C6: variants seen among roughly 807,000 people sequenced by gnomAD.
C6 encodes the protein complement C6.
In C6, 101 loss-of-function variants were observed where a neutral mutation model predicts 112.9. The observed-to-expected ratio is 0.89, with a 90% CI of 0.76 to 1.06. The LOEUF (loss-of-function observed/expected upper bound fraction) is 1.06, where lower values mean the gene tolerates loss of function less well. C6 is among the 50% of genes least tolerant of loss of function. The probability of loss-of-function intolerance (pLI) is 0.00; values close to 1 mark genes in which losing one functional copy is unlikely to be tolerated. For missense variants in C6, 1,202 were observed against 1,104.6 expected, an observed-to-expected ratio of 1.09 and a Z score of -1.25; for synonymous variants, 431 against 384.1, an observed-to-expected ratio of 1.12 and a Z score of -1.43.
At chr5:41,223,952 T>C (rs1477724349) in intron 1 of C6, among the ~76,000 whole-genome samples, 1 of 152,158 alleles carries the variant, frequency 6.6e-6, no homozygotes, top group South Asian at 2.1e-4. Context: ...TTTTGAACAA[T>C]AAAAGCAAAT....
chr5:41,208,347 A>G (rs1259793658), intron 1 of C6, among the ~76,000 whole-genome samples: 1 of 152,238 alleles, frequency 6.6e-6, no homozygotes, highest in South Asian at 2.1e-4. Flanking sequence ...AAAAGCTAGC[A>G]GAAGGCAAGA....
chr5:41,177,779 G>T (rs1490564582), intron 7 of C6, among the ~76,000 whole-genome samples: 1 of 151,990 alleles, frequency 6.6e-6, no homozygotes, highest in African/African-American at 2.4e-5. Flanking sequence ...TACATTCATT[G>T]CCTACCTATC....
rs111468089 is a variant in C6, at chr5:41,152,009, G to GA, written c.2290+1800dup. On this transcript the variant is annotated intron_variant, in intron 15 of 17. Coordinates refer to ENST00000337836, the MANE Select transcript of C6 (RefSeq NM_000065.5). ...TCTAGGCACTAGGACATTATGGTGGGAAAAAAAAAAGAAAGGAAGGATGGA... is the reference window on the plus strand; with the variant it reads ...TCTAGGCACTAGGACATTATGGTGGGAAAAAAAAAAAGAAAGGAAGGATGGA... 8.6e-3 allele frequency among the ~76,000 whole-genome samples: 1,258 copies of GA among 146,408 alleles called. 11 individuals are homozygous for GA. Among genetic ancestry groups the GA allele is most frequent in the South Asian group, 0.028 (131 of 4,610 alleles).
At position 41,236,943 on chromosome 5, in the gene C6, A is replaced by G. The variant is rs529023884; in HGVS notation, c.-21+24251T>C. 2.1e-3 allele frequency among the ~76,000 whole-genome samples: 319 copies of G among 151,474 alleles called. 3 individuals are homozygous for G. Among genetic ancestry groups the G allele is most frequent in the African/African-American group, 7.4e-3 (306 of 41,154 alleles). On this transcript the variant is annotated intron_variant, in intron 1 of 17. Coordinates refer to the C6 transcript ENST00000263413. ...ACAAACTACCATCAGAGAATACTAC[A>G]AACACCTCTATGCAAATAAACTAGA... is the stretch of plus-strand genomic sequence containing the variant.
intron 1 of C6, among the ~76,000 whole-genome samples, chr5:41,208,651 A>G (rs1269423969): frequency 1.3e-5 from 2 of 152,114 alleles, no homozygotes; most frequent in Non-Finnish European, 2.9e-5. Flanking sequence ...AACACATACA[A>G]CCTCTCAAGA....
chr5:41,170,668 A>C (rs888202854), intron 9 of C6, among the ~76,000 whole-genome samples: 4 of 151,926 alleles, frequency 2.6e-5, no homozygotes, highest in Non-Finnish European at 5.9e-5. Flanking sequence ...TAGACCATCT[A>C]CCTGTTCTGA....
chr5:41,189,073 G>A (rs1200473708), intron 5 of C6, among the ~76,000 whole-genome samples: 1 of 152,034 alleles, frequency 6.6e-6, no homozygotes, highest in African/African-American at 2.4e-5. Flanking sequence ...AACCTGCGAT[G>A]AGATACCAGT....
intron 1 of C6, among the ~76,000 whole-genome samples, chr5:41,221,454 T>C (rs923302631): frequency 1.3e-5 from 2 of 152,158 alleles, no homozygotes; most frequent in Non-Finnish European, 2.9e-5. Context: ...CCTGTGTCGT[T>C]TTCATGGGTA....
chr5:41,185,596 A>C (rs929748986), intron 6 of C6, among the ~76,000 whole-genome samples: 1 of 152,176 alleles, frequency 6.6e-6, no homozygotes, highest in Non-Finnish European at 1.5e-5. Flanking sequence ...AACTAATAAA[A>C]TAGGAAGAAA....
intron 1 of C6, among the ~76,000 whole-genome samples, chr5:41,234,350 G>T (rs28451860): frequency 1.4e-3 from 179 of 127,544 alleles, no homozygotes; most frequent in African/African-American, 4.1e-3. Context: ...TTTTTTTTTT[G>T]TTTTTTGTTT....
In C6 at chr5:41,199,760, T is replaced by A; in HGVS notation, c.445+8A>T. On this transcript the variant is annotated splice_region_variant and intron_variant, in intron 4 of 17. Transcript: ENST00000337836. ...GTGGGGACTGAACATTTCACAAAAATACATTACCACTGTCACAGCGAAATT... is the reference window on the plus strand; with the variant it reads ...GTGGGGACTGAACATTTCACAAAAAAACATTACCACTGTCACAGCGAAATT... The A allele has an allele frequency of 6.2e-7, 1 of 1,613,486 alleles. No homozygotes were observed. Among genetic ancestry groups the A allele is most frequent in the Non-Finnish European group, 8.5e-7 (1 of 1,179,500 alleles).
chr5:41,153,499 A>T (rs1339683208), intron 15 of C6, among the ~76,000 whole-genome samples: 1 of 152,212 alleles, frequency 6.6e-6, no homozygotes, highest in Non-Finnish European at 1.5e-5. Context: ...CACAATACTT[A>T]AACCTGAAGT....
chr5:41,242,572 T>C (rs187874465), intron 1 of C6, among the ~76,000 whole-genome samples: 3 of 152,360 alleles, frequency 2.0e-5, no homozygotes, highest in African/African-American at 7.2e-5. Flanking sequence ...GATTTCTCTG[T>C]AGTTAGCACA....
intron 5 of C6, among the ~76,000 whole-genome samples, chr5:41,194,418 T>C (rs4279376): frequency 0.88 from 133,122 of 152,074 alleles, 58,368 homozygotes; most frequent in Admixed American, 0.93. Context: ...TATTTAGAAC[T>C]CAGCTCCTCT....
At chr5:41,180,024 T>C (rs921496153) in intron 7 of C6, among the ~76,000 whole-genome samples, 4 of 152,164 alleles carry the variant, frequency 2.6e-5, no homozygotes, top group African/African-American at 7.2e-5. Flanking sequence ...CGTATATGAA[T>C]TTCAATCTAT....
rs77109111 is a variant in C6 at position 41,246,499 on chromosome 5, T to G, written c.-21+14695A>C. Among the ~76,000 whole-genome samples the G allele has an allele frequency of 1.7e-3, 262 of 152,266 alleles. 5 individuals are homozygous for G. The East Asian group carries it at 0.048, about 28-fold the overall frequency. ...AGGCAGAGAGTGTCCAAAGTAATCT[T>G]CAGGTGCAAAAAAAATTAGTCATAC... On this transcript the variant is annotated intron_variant, in intron 1 of 17. Coordinates refer to the C6 transcript ENST00000263413.
chr5:41,208,230 G>A (rs865876222), intron 1 of C6, among the ~76,000 whole-genome samples: 1 of 152,138 alleles, frequency 6.6e-6, no homozygotes, highest in Non-Finnish European at 1.5e-5. Context: ...AGTGTGTAGA[G>A]GGAAATTTAT....
chr5:41,230,264 G>A (rs1416511876), intron 1 of C6, among the ~76,000 whole-genome samples: 4 of 152,094 alleles, frequency 2.6e-5, no homozygotes, highest in African/African-American at 4.8e-5. Context: ...GGGGGGTTGG[G>A]CAGAATAGAG....
chr5:41,250,652 G>C (rs1449283135), intron 1 of C6, among the ~76,000 whole-genome samples: 5 of 152,116 alleles, frequency 3.3e-5, no homozygotes, highest in African/African-American at 1.2e-4. Context: ...AAGAGCCACT[G>C]GTCCTCTAGC....
Sources: allele counts gnomAD v4.1 joint callset (sites outside exome capture counted in the v4.1 genomes callset), GRCh38; gene constraint gnomAD v4.1.1; transcripts MANE v1.5; gene names NCBI Gene and HGNC (gene_info 2026-07-23, HGNC 2026-07-21).